Variants in RABEP1 observed in about 807,000 individuals in gnomAD.
RABEP1 encodes rabaptin, RAB GTPase binding effector protein 1.
In RABEP1, 51 loss-of-function variants were observed where a neutral mutation model predicts 123.4. That is an observed-to-expected ratio of 0.41 (90% CI 0.33 to 0.52). The LOEUF is 0.52. Among genes scored for constraint, RABEP1 ranks in the 20% least tolerant of loss-of-function variants. The pLI is 0.16. For synonymous variants in RABEP1, 347 were observed against 355.2 expected, an observed-to-expected ratio of 0.98 and a Z score of 0.26; for missense variants, 888 against 996.3, an observed-to-expected ratio of 0.89 and a Z score of 1.46.
chr17:5,353,519 TTTG>T lies in RABEP1; in HGVS notation c.964-837_964-835del, dbSNP rs563383208. On this transcript the variant is annotated intron_variant, in intron 7 of 17. Coordinates refer to ENST00000537505, the MANE Select transcript of RABEP1 (RefSeq NM_004703.6). ...ATCATTCCTTTTGTATTCATATACA[TTTG>T]TTAATGTTTCTAATGGATGTGTAAC... is the stretch of plus-strand genomic sequence containing the variant. Among the ~76,000 whole-genome samples, 35 of 152,346 alleles carry T rather than the reference TTTG, an allele frequency of 2.3e-4. No homozygotes were observed. In the South Asian group the frequency reaches 6.8e-3, roughly 30 times the overall value.
intron 13 of RABEP1, among the ~76,000 whole-genome samples, chr17:5,374,796 G>A (rs1334343655): frequency 6.6e-6 from 1 of 152,064 alleles, no homozygotes; most frequent in Non-Finnish European, 1.5e-5. Flanking sequence ...GTGCCACTGT[G>A]CCTGGCAAAT....
At chr17:5,287,610 A>C (rs1418019963) in intron 1 of RABEP1, among the ~76,000 whole-genome samples, 5 of 144,822 alleles carry the variant, frequency 3.5e-5, no homozygotes, top group East Asian at 3.9e-4. Flanking sequence ...AAAAAAAAAA[A>C]AAAAAAAAAA....
At chr17:5,301,575 A>G (rs1239327126) in intron 1 of RABEP1, among the ~76,000 whole-genome samples, 1 of 152,212 alleles carries the variant, frequency 6.6e-6, no homozygotes, top group Non-Finnish European at 1.5e-5. Context: ...TGCTTTCTTC[A>G]TTGAAAAATG....
chr17:5,385,406 C>A lies in RABEP1; in HGVS notation c.*2183C>A, dbSNP rs917065257. On this transcript the variant is annotated 3_prime_UTR_variant, in exon 18 of 18. Coordinates refer to ENST00000537505, the MANE Select transcript of RABEP1 (RefSeq NM_004703.6). ...CATGTCTAACCTGATTTACCTCTTA[C>A]CTGTAACCTACCTTATCATGTGGCT... 8.7e-6 allele frequency: 2 copies of A among 229,978 alleles called. No individual in the cohort carries two copies. The highest frequency in any genetic ancestry group is 1.7e-5 in the Non-Finnish European group (2 of 116,330). The allele number at this position is 229,978 out of a possible 1,614,324, so 14.2% of individuals were successfully genotyped here. A position where few individuals can be genotyped will look rare whatever the true frequency, so the allele number is the denominator to read the frequency against.
Position 5,378,154 on chromosome 17 carries a change from ACATCT to A in RABEP1, c.2216-19_2216-15del. 1 of 1,526,944 alleles carries A rather than the reference ACATCT, an allele frequency of 6.5e-7. No individual in the cohort carries two copies. Among genetic ancestry groups the A allele is most frequent in the African/African-American group, 1.4e-5 (1 of 72,572 alleles). 94.6% of individuals were successfully genotyped at this position (1,526,944 alleles called of 1,614,324 possible). ...TGCACAATAATAGATGAATGCTAATACATCTCATTTTTTTCCTTCTAGCTTCTATT... is the reference window on the plus strand; with the variant it reads ...TGCACAATAATAGATGAATGCTAATACATTTTTTTCCTTCTAGCTTCTATT... On this transcript the variant is annotated intron_variant, in intron 14 of 17. Transcript: ENST00000537505.
chr17:5,341,590 T>A (rs1907614936), intron 5 of RABEP1, among the ~76,000 whole-genome samples: 1 of 152,100 alleles, frequency 6.6e-6, no homozygotes, highest in Non-Finnish European at 1.5e-5. Flanking sequence ...GAGAGAAAGC[T>A]CTCCAACTGT....
At chr17:5,316,787 C>G (rs981678430) in intron 2 of RABEP1, among the ~76,000 whole-genome samples, 1 of 128,356 alleles carries the variant, frequency 7.8e-6, no homozygotes, top group Non-Finnish European at 1.5e-5. Flanking sequence ...GAACTGAGAT[C>G]GCGCTACTGC....
intron 10 of RABEP1, 67 bp downstream of exon 10, chr17:5,363,083 C>T (rs929750256): frequency 2.5e-6 from 3 of 1,197,466 alleles, no homozygotes; most frequent in Admixed American, 1.7e-5. Context: ...AATTAATTGC[C>T]CCCCTCTCCG....
intron 2 of RABEP1, among the ~76,000 whole-genome samples, chr17:5,328,936 A>G (rs1450698244): frequency 6.6e-6 from 1 of 151,838 alleles, no homozygotes; most frequent in African/African-American, 2.4e-5. Flanking sequence ...CTGTCTCAAA[A>G]AAAAAAAAAT....
rs553901053 is a variant in RABEP1 at position 5,317,534 on chromosome 17, C to G, written c.163+8712C>G. ...AGGACAATTATGTACACTCTGACCA[C>G]TTCTGTTCAACATCTAGAAGTGAGG... On this transcript the variant is annotated intron_variant, in intron 2 of 17. Transcript: ENST00000537505. Among the ~76,000 whole-genome samples the G allele has an allele frequency of 3.6e-4, 54 of 152,102 alleles. 1 individual carries two copies. Among genetic ancestry groups the G allele is most frequent in the Non-Finnish European group, 2.9e-5 (2 of 68,022 alleles).
chr17:5,282,286 C>A lies in RABEP1; in HGVS notation c.-201C>A. ...CTGCGCACTGCTTATTTCCCGCTGT[C>A]AGGATGAGGAGGCGGAGGTCGGCGG... On this transcript the variant is annotated 5_prime_UTR_variant, in exon 1 of 18. Transcript: ENST00000537505. 2.5e-6 allele frequency: 1 copy of A among 406,248 alleles called. No homozygotes were observed. Among genetic ancestry groups the A allele is most frequent in the South Asian group, 1.0e-4 (1 of 9,556 alleles). The allele number at this position is 406,248 out of a possible 1,614,324, so 25.2% of individuals were successfully genotyped here.
chr17:5,362,040 C>T (rs1448846063), intron 9 of RABEP1: 1 of 177,116 alleles, frequency 5.6e-6, no homozygotes, highest in Admixed American at 5.4e-5. Flanking sequence ...TCCAGGCTTT[C>T]ATCTTTCCTT....
At chr17:5,320,719 T>C (rs1188616591) in intron 2 of RABEP1, among the ~76,000 whole-genome samples, 1 of 152,192 alleles carries the variant, frequency 6.6e-6, no homozygotes. Flanking sequence ...TAACTTGTTA[T>C]CTACAAGATG....
intron 17 of RABEP1, 181 bp downstream of exon 17, chr17:5,381,686 C>T (rs1911472507): frequency 1.0e-5 from 11 of 1,081,430 alleles, no homozygotes; most frequent in Non-Finnish European, 1.3e-5. Context: ...TCACACTTGG[C>T]CCATTTTTCT....
At chr17:5,309,021 T>G (rs992800923) in intron 2 of RABEP1, among the ~76,000 whole-genome samples, 199 bp downstream of exon 2, 2 of 152,196 alleles carry the variant, frequency 1.3e-5, no homozygotes, top group Non-Finnish European at 2.9e-5. Context: ...GATTTTGCCT[T>G]GTTTTTTGAT....
chr17:5,313,941 G>A lies in RABEP1; in HGVS notation c.163+5119G>A, dbSNP rs180742678. 1.0e-3 allele frequency among the ~76,000 whole-genome samples: 157 copies of A among 152,292 alleles called. 1 individual carries two copies. Among genetic ancestry groups the A allele is most frequent in the Non-Finnish European group, 1.8e-3 (125 of 68,016 alleles). ...TTCCCCTGAGACAGCAGCTTTTATT[G>A]TATCTACTGTGAAGTCTAAATCTAG... is the stretch of plus-strand genomic sequence containing the variant. On this transcript the variant is annotated intron_variant, in intron 2 of 17. Transcript: ENST00000537505.
intron 2 of RABEP1, among the ~76,000 whole-genome samples, chr17:5,322,071 G>T (rs1905420603): frequency 6.6e-6 from 1 of 152,156 alleles, no homozygotes; most frequent in African/African-American, 2.4e-5. Context: ...ATGGAGGTGG[G>T]TGCCTGTAAT....
intron 5 of RABEP1, among the ~76,000 whole-genome samples, chr17:5,345,119 C>T (rs919526808): frequency 6.6e-6 from 1 of 152,174 alleles, no homozygotes; most frequent in Non-Finnish European, 1.5e-5. Flanking sequence ...TCATTTTACC[C>T]TAACCAGGTT....
chr17:5,358,312 T>C (rs1909204268), intron 8 of RABEP1, among the ~76,000 whole-genome samples: 1 of 152,232 alleles, frequency 6.6e-6, no homozygotes, highest in Admixed American at 6.5e-5. Flanking sequence ...TTTTTCCTTG[T>C]ACAAAAATCA....
Sources: gnomAD v4.1 joint callset for allele counts (sites outside exome capture counted in the v4.1 genomes callset) on GRCh38, gnomAD v4.1.1 for gene constraint, MANE v1.5 for transcripts, NCBI Gene and HGNC (gene_info 2026-07-23, HGNC 2026-07-21) for gene names.